The following GALNS variants were observed in gnomAD, a reference collection of about 807,000 sequenced individuals.
GALNS encodes N-acetylgalactosamine-6-sulfatase.
GALNS carries 65 observed loss-of-function variants against 65.9 expected under a neutral mutation model. The observed-to-expected ratio is 0.99, with a 90% CI of 0.81 to 1.21. GALNS has a LOEUF of 1.21. Ranked by LOEUF, GALNS falls within the 50% of genes most tolerant of loss-of-function variation. The pLI is 0.00. For missense variants in GALNS, 776 were observed against 700.7 expected (o/e 1.11, Z -1.21); for synonymous variants, 346 against 288.9 (o/e 1.20, Z -2.00).
At chr16:88,820,002 A>C (rs927936250) in intron 12 of GALNS, among the ~76,000 whole-genome samples, 3 of 148,928 alleles carry the variant, frequency 2.0e-5, no homozygotes, top group African/African-American at 7.4e-5. Context: ...TTAATTTTTT[A>C]TTTTCTGTAC....
Position 88,835,821 on chromosome 16 carries a change from G to C in GALNS, c.662C>G (p.Ala221Gly), listed in dbSNP as rs768493669. ...QEALDFIKRQ[A>G]RHHPFFLYWA... The stretch of plus-strand genomic sequence containing the variant: ...GTAGAGGAAAAAGGGGTGGTGCCGT[G>C]CCTGTCTCTTAATGAAGTCCAGGGC... Residue 221 changes from alanine (A) to glycine (G), a missense_variant, in exon 7 of 14, where the codon GCA becomes GGA. Transcript: ENST00000268695. The C allele has an allele frequency of 1.9e-6, 3 of 1,614,026 alleles. No individual in the cohort carries two copies. Among genetic ancestry groups the C allele is most frequent in the East Asian group, 4.5e-5 (2 of 44,898 alleles).
intron 1 of GALNS, among the ~76,000 whole-genome samples, chr16:88,849,435 C>T (rs1406205657): frequency 6.6e-6 from 1 of 152,180 alleles, no homozygotes; most frequent in Non-Finnish European, 1.5e-5. Flanking sequence ...TAGGCACCCA[C>T]CACCAAGCTC....
chr16:88,816,806 C>T (rs1196264676), intron 13 of GALNS: 9 of 985,370 alleles, frequency 9.1e-6, no homozygotes, highest in Non-Finnish European at 1.1e-5. Context: ...TGGGCCTTTT[C>T]GCCCGCACAG....
chr16:88,824,291 T>A (rs1310927948), intron 11 of GALNS, among the ~76,000 whole-genome samples: 4 of 151,964 alleles, frequency 2.6e-5, no homozygotes, highest in African/African-American at 9.7e-5. Context: ...GCGCTGACAA[T>A]GCTGGGGTAG....
In GALNS at chr16:88,816,488, T is replaced by A. The variant is rs371263440; in HGVS notation, c.1482+1519A>T. On this transcript the variant is annotated intron_variant, in intron 13 of 13. Coordinates refer to ENST00000268695, the MANE Select transcript of GALNS (RefSeq NM_000512.5). Reference sequence around the variant, plus strand: ...GTCCCTTTGAAGGAAGGGCCCTGAATATCTTCCTATGAAACTTGCCAGGCA... The same window carrying A: ...GTCCCTTTGAAGGAAGGGCCCTGAAAATCTTCCTATGAAACTTGCCAGGCA... 188 of 984,920 alleles carry A rather than the reference T, an allele frequency of 1.9e-4. No individual in the cohort carries two copies. In the African/African-American group the frequency reaches 2.8e-3, roughly 15 times the overall value. 61.0% of individuals were successfully genotyped at this position (984,920 alleles called of 1,614,324 possible). A position where few individuals can be genotyped will look rare whatever the true frequency, so the allele number is the denominator to read the frequency against.
In GALNS at chr16:88,853,744, C is replaced by A. The variant is rs564466685; in HGVS notation, c.120+3014G>T. 5.3e-5 allele frequency among the ~76,000 whole-genome samples: 8 copies of A among 152,306 alleles called. No homozygotes were observed. In the South Asian group the frequency reaches 1.5e-3, roughly 28 times the overall value. On this transcript the variant is annotated intron_variant, in intron 1 of 13. Coordinates refer to ENST00000268695, the MANE Select transcript of GALNS (RefSeq NM_000512.5). Reference sequence around the variant, plus strand: ...ACTCACGCAGCAGGTGCCCAGGGTACTACGAAGCCAGGCCGCGCTGGACCG... The same window carrying A: ...ACTCACGCAGCAGGTGCCCAGGGTAATACGAAGCCAGGCCGCGCTGGACCG...
chr16:88,825,395 G>A (rs2341659), intron 10 of GALNS, among the ~76,000 whole-genome samples: 26,477 of 131,286 alleles, frequency 0.2, 2,996 homozygotes, highest in East Asian at 0.49. Flanking sequence ...CTGGGTGGCC[G>A]GGGCTGGGGT....
At chr16:88,817,829 C>T (rs1178912584) in intron 13 of GALNS, among the ~76,000 whole-genome samples, 178 bp downstream of exon 13, 2 of 152,200 alleles carry the variant, frequency 1.3e-5, no homozygotes, top group African/African-American at 4.8e-5. Context: ...TCGCTTGGCT[C>T]CTGCCTCCCG....
chr16:88,816,055 C>G, intron 13 of GALNS: 1 of 985,424 alleles, frequency 1.0e-6, no homozygotes, highest in Non-Finnish European at 1.2e-6. Flanking sequence ...GCATCTCCCC[C>G]ATGGCTCTGC....
At chr16:88,822,141 G>A (rs76879785) in intron 12 of GALNS, among the ~76,000 whole-genome samples, 2,967 of 152,262 alleles carry the variant, frequency 0.019, 79 homozygotes, top group African/African-American at 0.068. Flanking sequence ...CTGAAAACTG[G>A]CAGGTGATGG....
intron 4 of GALNS, chr16:88,840,668 G>C (rs972415322): frequency 9.6e-6 from 4 of 418,652 alleles, no homozygotes; most frequent in Non-Finnish European, 1.8e-5. Context: ...CCCCTCCAAG[G>C]ACGACGTGGC....
chr16:88,823,929 G>A (rs1042161429), intron 11 of GALNS, among the ~76,000 whole-genome samples: 5 of 152,310 alleles, frequency 3.3e-5, no homozygotes, highest in Middle Eastern at 3.4e-3. Flanking sequence ...AAAGAAGAGC[G>A]GGTGCGGGGC....
chr16:88,828,647 G>A (rs910075350), intron 9 of GALNS, among the ~76,000 whole-genome samples: 2 of 152,242 alleles, frequency 1.3e-5, no homozygotes, highest in Admixed American at 1.3e-4. Flanking sequence ...TGGGGAGAGG[G>A]TTTCCCTTCT....
At position 88,856,794 on chromosome 16, in the gene GALNS, C is replaced by T; in HGVS notation, c.84G>A (p.Pro28=). 2 of 1,540,786 alleles carry T rather than the reference C, an allele frequency of 1.3e-6. No individual in the cohort carries two copies. The highest frequency in any genetic ancestry group is 8.7e-7 in the Non-Finnish European group (1 of 1,154,314). The part of the protein sequence containing the change: ...SAAGMGASGA[P]QPPNILLLLM... Reference sequence around the variant, plus strand: ...GCAGGAGCAGGATGTTGGGGGGCTGCGGGGCGCCCGAGGCCCCCATCCCCG... The same window carrying T: ...GCAGGAGCAGGATGTTGGGGGGCTGTGGGGCGCCCGAGGCCCCCATCCCCG... The change falls in exon 1 of 14, where the codon CCG becomes CCA. Residue 28 remains proline (P), a synonymous_variant. Transcript: ENST00000268695.
At chr16:88,852,756 C>A (rs1220672865) in intron 1 of GALNS, among the ~76,000 whole-genome samples, 4 of 152,066 alleles carry the variant, frequency 2.6e-5, no homozygotes, top group Admixed American at 2.6e-4. Context: ...CTTCAGTAGC[C>A]GATTCGATCT....
chr16:88,819,470 T>C (rs1020795038), intron 12 of GALNS, among the ~76,000 whole-genome samples: 6 of 152,262 alleles, frequency 3.9e-5, no homozygotes, highest in African/African-American at 1.4e-4. Context: ...TGGCGTGAAC[T>C]GCACGTGCAC....
chr16:88,818,156 G>A (rs770733232), intron 12 of GALNS, 32 bp from the exon 13 acceptor site: 10 of 1,538,208 alleles, frequency 6.5e-6, no homozygotes, highest in Middle Eastern at 3.6e-4. Context: ...CACACGGCTG[G>A]GGCTGACAGC....
chr16:88,815,792 T>C, intron 13 of GALNS: 1 of 985,348 alleles, frequency 1.0e-6, no homozygotes, highest in Non-Finnish European at 1.2e-6. Context: ...GGAGTGGGTT[T>C]GGGTGAGGAA....
At chr16:88,817,510 C>T in intron 13 of GALNS, 1 of 985,402 alleles carries the variant, frequency 1.0e-6, no homozygotes, top group Middle Eastern at 5.2e-4. Flanking sequence ...GGCCCTGGGG[C>T]CGCCGCCACT....
Sources: gnomAD v4.1 joint callset for allele counts (sites outside exome capture counted in the v4.1 genomes callset) on GRCh38, gnomAD v4.1.1 for gene constraint, MANE v1.5 for transcripts, NCBI Gene and HGNC (gene_info 2026-07-23, HGNC 2026-07-21) for gene names.